DCLK2: variants seen among roughly 807,000 people sequenced by gnomAD.
DCLK2 encodes the protein serine/threonine-protein kinase DCLK2.
Under a neutral mutation model 78.4 loss-of-function variants are expected in DCLK2, and 31 were observed. The observed-to-expected ratio is 0.40, with a 90% confidence interval of 0.30 to 0.53. The LOEUF (loss-of-function observed/expected upper bound fraction) is 0.53, where lower values mean the gene tolerates loss of function less well. DCLK2 is among the 20% of genes least tolerant of loss of function. The pLI is 0.61. For missense variants in DCLK2, 872 were observed against 973.7 expected (o/e 0.90, Z 1.39); for synonymous variants, 407 against 374.9 (o/e 1.09, Z -0.99).
rs148759540 is a variant in DCLK2, at chr4:150,190,441, A to G, written c.757-2697A>G. ...GATGAAAAAATGAACAAAATATTAT[A>G]TATCCATACCATGGACTATTCAGCT... On this transcript the variant is annotated intron_variant, in intron 2 of 15. Transcript: ENST00000296550. Among the ~76,000 whole-genome samples, 1,424 of 152,290 alleles carry G rather than the reference A, an allele frequency of 9.4e-3. 25 individuals are homozygous for G. Among genetic ancestry groups the G allele is most frequent in the African/African-American group, 0.032 (1,346 of 41,546 alleles).
chr4:150,205,846 G>A (rs979656756), intron 5 of DCLK2, among the ~76,000 whole-genome samples: 2 of 152,198 alleles, frequency 1.3e-5, no homozygotes, highest in East Asian at 3.9e-4. Flanking sequence ...TTTCCAGTGA[G>A]CCACATGCCA....
intron 10 of DCLK2, among the ~76,000 whole-genome samples, chr4:150,234,377 A>G (rs1165592627): frequency 2.6e-5 from 4 of 152,142 alleles, no homozygotes; most frequent in Non-Finnish European, 5.9e-5. Flanking sequence ...TTATCTTTAT[A>G]TCTCCAATGG....
chr4:150,129,578 G>A (rs566489122), intron 2 of DCLK2, among the ~76,000 whole-genome samples: 223 of 151,954 alleles, frequency 1.5e-3, no homozygotes, highest in African/African-American at 5.2e-3. Context: ...AAATTAGCTG[G>A]GTGTGGTGGC....
At chr4:150,114,558 T>C (rs891706350) in intron 2 of DCLK2, among the ~76,000 whole-genome samples, 1 of 152,212 alleles carries the variant, frequency 6.6e-6, no homozygotes, top group Non-Finnish European at 1.5e-5. Flanking sequence ...TGTTTCAAGA[T>C]TTAGAACTTC....
At position 150,079,346 on chromosome 4, in the gene DCLK2, A is replaced by G. The variant is rs1433934938; in HGVS notation, c.319A>G (p.Thr107Ala). 1 of 1,587,860 alleles carries G rather than the reference A, an allele frequency of 6.3e-7. No individual in the cohort carries two copies. Among genetic ancestry groups the G allele is most frequent in the Non-Finnish European group, 8.6e-7 (1 of 1,167,226 alleles). The change falls in exon 1 of 16, where the codon ACC becomes GCC. Residue 107 changes from threonine (T) to alanine (A), a missense_variant. Around this residue, in one of 3 missense-constraint regions of DCLK2, gnomAD observed 567 missense variants for 593.4 expected, o/e 0.96. Transcript: ENST00000296550. ...RSFDALLIEL[T>A]RSLSDNVNLP... ...CTTCGATGCGCTCCTCATAGAGCTCACCCGCTCCCTGTCGGACAACGTGAA... is the reference window on the plus strand; with the variant it reads ...CTTCGATGCGCTCCTCATAGAGCTCGCCCGCTCCCTGTCGGACAACGTGAA...
intron 2 of DCLK2, among the ~76,000 whole-genome samples, chr4:150,156,147 C>T (rs528039220): frequency 6.6e-6 from 1 of 152,212 alleles, no homozygotes; most frequent in Admixed American, 6.5e-5. Flanking sequence ...TGATTAGGAA[C>T]CTCTGCGAAG....
chr4:150,198,372 G>A (rs185675882), intron 4 of DCLK2, among the ~76,000 whole-genome samples: 15 of 152,220 alleles, frequency 9.9e-5, no homozygotes, highest in Non-Finnish European at 1.9e-4. Flanking sequence ...ACATAGAAGC[G>A]TTTCACATTT....
At chr4:150,205,581 T>G (rs967741787) in intron 5 of DCLK2, among the ~76,000 whole-genome samples, 1 of 152,246 alleles carries the variant, frequency 6.6e-6, no homozygotes, top group Non-Finnish European at 1.5e-5. Flanking sequence ...TTCAGTGGAC[T>G]TTTAAATTGT....
At chr4:150,128,998 A>G (rs1185083704) in intron 2 of DCLK2, among the ~76,000 whole-genome samples, 1 of 152,178 alleles carries the variant, frequency 6.6e-6, no homozygotes, top group African/African-American at 2.4e-5. Flanking sequence ...GTGGGTAAAC[A>G]CTACCTTTTA....
intron 5 of DCLK2, among the ~76,000 whole-genome samples, chr4:150,219,539 G>A (rs900363145): frequency 2.0e-5 from 3 of 152,062 alleles, no homozygotes; most frequent in Non-Finnish European, 2.9e-5. Flanking sequence ...GGGATTATAG[G>A]TGTGCACCAC....
chr4:150,253,486 GT>G, intron 15 of DCLK2: 4 of 1,289,688 alleles, frequency 3.1e-6, no homozygotes, highest in Non-Finnish European at 2.0e-6. Context: ...TGATTTGACA[GT>G]TTGAGAGGCA....
intron 2 of DCLK2, among the ~76,000 whole-genome samples, chr4:150,121,224 T>A (rs1456707819): frequency 6.6e-6 from 1 of 152,242 alleles, no homozygotes; most frequent in Non-Finnish European, 1.5e-5. Flanking sequence ...AACACAAGAA[T>A]GTGTGATATG....
Position 150,078,904 on chromosome 4 carries a change from C to A in DCLK2, c.-124C>A. ...CTCGGCCCCACCTGCGCGGAGAGGG[C>A]GGGATGCCAGAGCCAGGTGTCCCGG... On this transcript the variant is annotated 5_prime_UTR_variant, in exon 1 of 16. Transcript: ENST00000296550. The A allele has an allele frequency of 2.4e-6, 3 of 1,259,760 alleles. No individual in the cohort carries two copies. Among genetic ancestry groups the A allele is most frequent in the Non-Finnish European group, 3.1e-6 (3 of 952,382 alleles). The allele number at this position is 1,259,760 out of a possible 1,614,324, so 78.0% of individuals were successfully genotyped here. A position where few individuals can be genotyped will look rare whatever the true frequency, so the allele number is the denominator to read the frequency against.
intron 10 of DCLK2, among the ~76,000 whole-genome samples, chr4:150,238,217 AT>A (rs1742652944): frequency 6.6e-6 from 1 of 152,170 alleles, no homozygotes; most frequent in African/African-American, 2.4e-5. Context: ...GTAATTTTGC[AT>A]TTTTTAACTC....
At chr4:150,133,157 C>A (rs1369730734) in intron 2 of DCLK2, among the ~76,000 whole-genome samples, 1 of 152,182 alleles carries the variant, frequency 6.6e-6, no homozygotes, top group Non-Finnish European at 1.5e-5. Flanking sequence ...GCCCGGGGAC[C>A]ATTTTAAACA....
Position 150,203,879 on chromosome 4 carries a change from G to C in DCLK2, c.1046G>C (p.Arg349Thr), listed in dbSNP as rs750393034. 6.2e-7 allele frequency: 1 copy of C among 1,611,942 alleles called. No individual in the cohort carries two copies. Among genetic ancestry groups the C allele is most frequent in the Non-Finnish European group, 8.5e-7 (1 of 1,178,076 alleles). Reference sequence around the variant, plus strand: ...TCTCCAACTAGTCCAGGAAGTTTCAGAGGATTAAAGGTATGAAATAGGATA... The same window carrying C: ...TCTCCAACTAGTCCAGGAAGTTTCACAGGATTAAAGGTATGAAATAGGATA... ...SSSPTSPGSF[R>T]GLKQISAHGR... is the part of the protein sequence containing the mutation. Residue 349 changes from arginine (R) to threonine (T), a missense_variant, in exon 5 of 16, where the codon AGA becomes ACA. Physicochemically the swap from Arg to Thr is moderately conservative, Grantham distance 71 (BLOSUM62 -1). This residue lies in a region of DCLK2 where 567 missense variants were observed against 593.4 expected (regional missense o/e 0.96). Coordinates refer to ENST00000296550, the MANE Select transcript of DCLK2 (RefSeq NM_001040260.4).
chr4:150,240,904 TG>T (rs1742883078), intron 12 of DCLK2, among the ~76,000 whole-genome samples: 1 of 152,198 alleles, frequency 6.6e-6, no homozygotes, highest in South Asian at 2.1e-4. Flanking sequence ...GTTGGTCCTC[TG>T]AGTTTCCAGT....
intron 2 of DCLK2, among the ~76,000 whole-genome samples, chr4:150,134,141 C>T (rs549872913): frequency 7.2e-4 from 92 of 127,442 alleles, no homozygotes; most frequent in African/African-American, 2.8e-3. Context: ...AGTGCAATGG[C>T]GCAATCTCGG....
intron 2 of DCLK2, among the ~76,000 whole-genome samples, chr4:150,174,978 A>G (rs1736845284): frequency 8.5e-6 from 1 of 117,494 alleles, no homozygotes; most frequent in African/African-American, 3.4e-5. Flanking sequence ...AGCCTGGGTG[A>G]TGGAGTGAGA....
Sources: allele counts gnomAD v4.1 joint callset (sites outside exome capture counted in the v4.1 genomes callset), GRCh38; gene constraint gnomAD v4.1.1; regional missense constraint gnomAD v4.1.1; transcripts MANE v1.5; gene names NCBI Gene and HGNC (gene_info 2026-07-23, HGNC 2026-07-21).